Variants in SGSM1 observed in about 807,000 individuals in gnomAD.
SGSM1 encodes the protein small G protein signaling modulator 1, also known as RUN and TBC1 domain containing 2.
A neutral mutation model predicts 133.8 loss-of-function variants in SGSM1; 73 were observed. The observed-to-expected ratio is 0.55, with a 90% CI of 0.45 to 0.66. The LOEUF (loss-of-function observed/expected upper bound fraction) is 0.66, where lower values mean the gene tolerates loss of function less well. Among genes scored for constraint, SGSM1 ranks in the 30% least tolerant of loss-of-function variants. The pLI, the probability that SGSM1 is intolerant of heterozygous loss-of-function variation, is 0.00. For synonymous variants in SGSM1, 563 were observed against 573.0 expected, an observed-to-expected ratio of 0.98 and a Z score of 0.25; for missense variants, 1,213 against 1,448.1, an observed-to-expected ratio of 0.84 and a Z score of 2.64.
chr22:24,857,595 A>G (rs1446640280), intron 8 of SGSM1, among the ~76,000 whole-genome samples: 1 of 152,172 alleles, frequency 6.6e-6, no homozygotes, highest in Non-Finnish European at 1.5e-5. Context: ...GGAAAATATC[A>G]TTGAAATACA....
chr22:24,850,550 GA>G (rs1372802124), intron 5 of SGSM1, 118 bp downstream of exon 5: 1 of 1,389,220 alleles, frequency 7.2e-7, no homozygotes, highest in Non-Finnish European at 9.6e-7. Flanking sequence ...CACTAAATTT[GA>G]AAGTGATTAA....
chr22:24,861,306 C>T (rs139706), intron 9 of SGSM1, among the ~76,000 whole-genome samples: 13,284 of 146,802 alleles, frequency 0.09, 1,084 homozygotes, highest in African/African-American at 0.22. Context: ...GAGCCGAGAT[C>T]GCGCCACTGC....
At chr22:24,831,702 T>G (rs756648577) in intron 2 of SGSM1, among the ~76,000 whole-genome samples, 1 of 152,154 alleles carries the variant, frequency 6.6e-6, no homozygotes, top group Non-Finnish European at 1.5e-5. Flanking sequence ...CCTCTTGATA[T>G]CCTTTGAACA....
At position 24,898,509 on chromosome 22, in the gene SGSM1, A is replaced by G; in HGVS notation, c.2560A>G (p.Thr854Ala). ...FPALASLAVT[T>A]SANEVSPVSS... ...TGCCCTGGCTTCTCTGGCTGTGACT[A>G]CTTCTGCCAACGAGGTGTCCCCTGT... is the stretch of plus-strand genomic sequence containing the variant. The change falls in exon 19 of 25, where the codon ACT becomes GCT. Residue 854 changes from threonine to alanine, a missense_variant. By Grantham distance (58) the Thr-to-Ala change is moderately conservative. Coordinates refer to ENST00000400358, the MANE Select transcript of SGSM1 (RefSeq NM_001098497.3). 2 of 1,613,412 alleles carry G rather than the reference A, an allele frequency of 1.2e-6. No homozygotes were observed. The highest frequency in any genetic ancestry group is 1.7e-6 in the Non-Finnish European group (2 of 1,179,648).
chr22:24,833,282 C>T (rs1427804639), intron 2 of SGSM1, among the ~76,000 whole-genome samples: 1 of 148,510 alleles, frequency 6.7e-6, no homozygotes, highest in East Asian at 1.9e-4. Flanking sequence ...TTAGGACCCA[C>T]CCTAATGACC....
At chr22:24,915,253 T>C (rs8139159) in intron 22 of SGSM1, among the ~76,000 whole-genome samples, 7 of 139,426 alleles carry the variant, frequency 5.0e-5, no homozygotes, top group East Asian at 4.6e-4. Context: ...AATAAATAAA[T>C]AAACAAACAG....
chr22:24,841,482 T>G (rs1601911245), intron 2 of SGSM1, among the ~76,000 whole-genome samples: 1 of 152,362 alleles, frequency 6.6e-6, no homozygotes, highest in East Asian at 1.9e-4. Context: ...GTTGTTGGTT[T>G]ATAGTGTAGC....
intron 12 of SGSM1, among the ~76,000 whole-genome samples, chr22:24,873,209 C>T (rs570672377): frequency 2.6e-5 from 4 of 152,060 alleles, no homozygotes; most frequent in Non-Finnish European, 5.9e-5. Flanking sequence ...GCAATTCATC[C>T]GCCTCAGGCT....
Position 24,807,215 on chromosome 22 carries a change from A to C in SGSM1, c.63+731A>C, listed in dbSNP as rs1175573540. 5.3e-5 allele frequency among the ~76,000 whole-genome samples: 8 copies of C among 151,966 alleles called. 1 individual carries two copies. The highest frequency in any genetic ancestry group is 1.2e-4 in the Non-Finnish European group (8 of 67,994). ...GACCTCCCAGAACCCCATAGACAGA[A>C]TTTATAGTCCTTGGGGTAGCATCTC... On this transcript the variant is annotated intron_variant, in intron 2 of 24. Coordinates refer to ENST00000400358, the MANE Select transcript of SGSM1 (RefSeq NM_001098497.3).
Position 24,893,571 on chromosome 22 carries a change from C to A in SGSM1, c.1911C>A (p.His637Gln). Reference sequence around the variant, plus strand: ...CATCCGGGGCCAGCTTGGACAGCCACCTGCACCGGATGTTGCACAGGGACT... The same window carrying A: ...CATCCGGGGCCAGCTTGGACAGCCAACTGCACCGGATGTTGCACAGGGACT... ...KCSSGASLDS[H>Q]LHRMLHRDST... is the part of the protein sequence containing the mutation. The change falls in exon 17 of 25, where the codon CAC becomes CAA. Residue 637 changes from histidine to glutamine, a missense_variant. By Grantham distance (24) the His-to-Gln change is conservative (BLOSUM62 0). Transcript: ENST00000400358. 1 of 1,595,912 alleles carries A rather than the reference C, an allele frequency of 6.3e-7. No individual in the cohort carries two copies.
intron 23 of SGSM1, among the ~76,000 whole-genome samples, chr22:24,919,429 G>A (rs980795086): frequency 6.6e-6 from 1 of 152,124 alleles, no homozygotes; most frequent in African/African-American, 2.4e-5. Context: ...CAGTGTGTGG[G>A]GGGAAAGAAG....
At chr22:24,907,594 A>C (rs1933439353) in intron 21 of SGSM1, among the ~76,000 whole-genome samples, 1 of 151,918 alleles carries the variant, frequency 6.6e-6, no homozygotes, top group Admixed American at 6.6e-5. Flanking sequence ...GTTGATATGG[A>C]AATTCAAGGG....
chr22:24,919,040 CTTTTTTTTTTTT>C (rs143985087), intron 23 of SGSM1, among the ~76,000 whole-genome samples: 1 of 71,778 alleles, frequency 1.4e-5, no homozygotes, highest in Admixed American at 1.7e-4. Flanking sequence ...CACACCCGGC[CTTTTTTTTTTTT>C]TTTTTTTTTT....
At chr22:24,855,762 T>C (rs762114310) in intron 8 of SGSM1, 82 bp downstream of exon 8, 31 of 1,607,260 alleles carry the variant, frequency 1.9e-5, no homozygotes, top group Admixed American at 6.7e-5. Flanking sequence ...TGGCTCCAGA[T>C]TGCCAATCCA....
intron 2 of SGSM1, 97 bp from the exon 3 acceptor site, chr22:24,844,800 G>T: frequency 1.8e-6 from 2 of 1,083,978 alleles, no homozygotes; most frequent in Non-Finnish European, 1.4e-6. Context: ...AGCCTGAAAG[G>T]CCTTGTGGGG....
chr22:24,806,746 G>A (rs375950261), intron 2 of SGSM1, among the ~76,000 whole-genome samples: 1 of 151,846 alleles, frequency 6.6e-6, no homozygotes. Context: ...CCAGGTGTGG[G>A]GCACACCTGG....
chr22:24,921,943 T>C (rs1322174119), intron 24 of SGSM1, among the ~76,000 whole-genome samples: 1 of 152,042 alleles, frequency 6.6e-6, no homozygotes, highest in Non-Finnish European at 1.5e-5. Context: ...TCAGGTGATC[T>C]GCCCACCTCA....
Position 24,886,601 on chromosome 22 carries a change from G to A in SGSM1, c.1643G>A (p.Ser548Asn), listed in dbSNP as rs1417398634. 6.4e-7 allele frequency: 1 copy of A among 1,552,120 alleles called. No individual in the cohort carries two copies. The highest frequency in any genetic ancestry group is 1.2e-5 in the South Asian group (1 of 84,054). Residue 548 changes from serine (S) to asparagine (N), a missense_variant and splice_region_variant, in exon 16 of 25, where the codon AGT becomes AAT. Coordinates refer to ENST00000400358, the MANE Select transcript of SGSM1 (RefSeq NM_001098497.3). ...IWEQYLHDST[S>N]YEEQELLRLI... Reference sequence around the variant, plus strand: ...TTTGCTCCTCTCCACCCACCACAGAGTTACGAGGAGCAGGAGCTGCTGCGC... The same window carrying A: ...TTTGCTCCTCTCCACCCACCACAGAATTACGAGGAGCAGGAGCTGCTGCGC...
In SGSM1 at chr22:24,855,437, G is replaced by T. The variant is rs750499417; in HGVS notation, c.669+7G>T. On this transcript the variant is annotated splice_region_variant and intron_variant, in intron 7 of 24. Transcript: ENST00000400358. The stretch of plus-strand genomic sequence containing the variant: ...CAAGCGTCCTGCCCTCTGTGTGAGT[G>T]GGGTGGACAGTGGGGCAGTGGGAGG... 1 of 1,613,276 alleles carries T rather than the reference G, an allele frequency of 6.2e-7. No individual in the cohort carries two copies. Among genetic ancestry groups the T allele is most frequent in the Non-Finnish European group, 8.5e-7 (1 of 1,179,756 alleles).
Sources: gnomAD v4.1 joint callset for allele counts (sites outside exome capture counted in the v4.1 genomes callset) on GRCh38, gnomAD v4.1.1 for gene constraint, MANE v1.5 for transcripts, NCBI Gene and HGNC (gene_info 2026-07-23, HGNC 2026-07-21) for gene names.